Variants in NTN4 observed in about 807,000 individuals in gnomAD.
NTN4 encodes netrin-4.
A neutral mutation model predicts 73.6 loss-of-function variants in NTN4; 32 were observed. The ratio of observed to expected loss-of-function variants is 0.44; its 90% CI spans 0.33 to 0.58. The LOEUF (loss-of-function observed/expected upper bound fraction) is 0.58. NTN4 is among the 20% of genes least tolerant of loss of function. NTN4 has a pLI of 0.04. For missense variants in NTN4, 654 were observed against 798.3 expected, an observed-to-expected ratio of 0.82 and a Z score of 2.18; for synonymous variants, 258 against 287.5, an observed-to-expected ratio of 0.90 and a Z score of 1.04.
intron 9 of NTN4, among the ~76,000 whole-genome samples, chr12:95,659,747 AT>A (rs935150481): frequency 1.3e-5 from 2 of 152,122 alleles, no homozygotes; most frequent in Admixed American, 6.5e-5. Flanking sequence ...GAGGTAGATA[AT>A]TTTTTCCTTC....
intron 2 of NTN4, among the ~76,000 whole-genome samples, chr12:95,757,061 T>G (rs2078951910): frequency 6.6e-6 from 1 of 152,210 alleles, no homozygotes; most frequent in African/African-American, 2.4e-5. Flanking sequence ...TAAATTTGCT[T>G]AATTGCTTGT....
intron 3 of NTN4, among the ~76,000 whole-genome samples, chr12:95,726,173 T>C (rs1263520232): frequency 6.6e-6 from 1 of 152,202 alleles, no homozygotes; most frequent in Non-Finnish European, 1.5e-5. Context: ...TTCAGTGGTT[T>C]CAGTATATTC....
chr12:95,755,280 A>T (rs891082976), intron 2 of NTN4, among the ~76,000 whole-genome samples: 2 of 152,208 alleles, frequency 1.3e-5, no homozygotes, highest in African/African-American at 4.8e-5. Flanking sequence ...TCAGATGAGG[A>T]CATGTATCCT....
intron 3 of NTN4, among the ~76,000 whole-genome samples, chr12:95,735,287 T>C (rs868849375): frequency 6.6e-6 from 1 of 152,200 alleles, no homozygotes; most frequent in African/African-American, 2.4e-5. Flanking sequence ...AGAATTGTGA[T>C]GGAACTGGAT....
At chr12:95,770,178 A>C (rs910401842) in intron 2 of NTN4, among the ~76,000 whole-genome samples, 15 of 152,210 alleles carry the variant, frequency 9.9e-5, no homozygotes, top group African/African-American at 3.6e-4. Context: ...GGAAATTAGA[A>C]AGAAAAATGG....
At chr12:95,704,220 T>C (rs2078507528) in intron 5 of NTN4, among the ~76,000 whole-genome samples, 1 of 152,262 alleles carries the variant, frequency 6.6e-6, no homozygotes, top group African/African-American at 2.4e-5. Context: ...AGTTTGCTTT[T>C]CTGCCTTGGT....
chr12:95,672,593 G>C lies in NTN4; in HGVS notation c.1511-2447C>G. 2.0e-6 allele frequency: 3 copies of C among 1,526,330 alleles called. No homozygotes were observed. In the South Asian group the frequency reaches 3.4e-5, roughly 17 times the overall value. 94.5% of individuals were successfully genotyped at this position (1,526,330 alleles called of 1,614,324 possible). On this transcript the variant is annotated intron_variant, in intron 7 of 9. Coordinates refer to ENST00000343702, the MANE Select transcript of NTN4 (RefSeq NM_021229.4). ...TGAGCGGCACTATGGGGGTCTGACCGATCTCGGTAAAGCAGAAACTGCTGC... is the reference window on the plus strand; with the variant it reads ...TGAGCGGCACTATGGGGGTCTGACCCATCTCGGTAAAGCAGAAACTGCTGC...
chr12:95,725,958 C>T (rs2078690695), intron 3 of NTN4, among the ~76,000 whole-genome samples: 1 of 152,100 alleles, frequency 6.6e-6, no homozygotes, highest in South Asian at 2.1e-4. Context: ...ACTCATCCAT[C>T]CAAAAGCTAT....
chr12:95,751,144 TTAAA>T (rs1270058016), intron 2 of NTN4, among the ~76,000 whole-genome samples: 1 of 152,082 alleles, frequency 6.6e-6, no homozygotes, highest in African/African-American at 2.4e-5. Flanking sequence ...GCTCCCGACA[TTAAA>T]TAAAACTCCA....
intron 9 of NTN4, 56 bp downstream of exon 9, chr12:95,665,754 A>G: frequency 1.4e-6 from 2 of 1,395,834 alleles, no homozygotes; most frequent in Non-Finnish European, 2.0e-6. Context: ...ATGTAAGACA[A>G]GCAGCAAATC....
intron 3 of NTN4, among the ~76,000 whole-genome samples, chr12:95,715,088 C>T (rs988909062): frequency 6.6e-6 from 1 of 152,152 alleles, no homozygotes; most frequent in South Asian, 2.1e-4. Flanking sequence ...TGCAATTATC[C>T]GAGTGTGCTA....
chr12:95,790,161 C>A lies in NTN4; in HGVS notation c.55+94G>T. The A allele has an allele frequency of 8.8e-7, 1 of 1,141,698 alleles. No individual in the cohort carries two copies. Among genetic ancestry groups the A allele is most frequent in the South Asian group, 1.6e-5 (1 of 63,744 alleles). The allele number at this position is 1,141,698 out of a possible 1,614,324, so 70.7% of individuals were successfully genotyped here. A position where few individuals can be genotyped will look rare whatever the true frequency, so the allele number is the denominator to read the frequency against. ...TCACCCTCGGGAGCAGCGCTCTGCGCTCGCAGCCCTGGCTCCCCTGCACCC... is the reference window on the plus strand; with the variant it reads ...TCACCCTCGGGAGCAGCGCTCTGCGATCGCAGCCCTGGCTCCCCTGCACCC... On this transcript the variant is annotated intron_variant, in intron 1 of 9. Transcript: ENST00000343702. This position sits in a 1 kb window ranked among gnomAD's most constrained non-coding sequence, Gnocchi z 6.5.
intron 5 of NTN4, among the ~76,000 whole-genome samples, chr12:95,698,286 A>G (rs1184107025): frequency 6.6e-6 from 1 of 152,194 alleles, no homozygotes; most frequent in Non-Finnish European, 1.5e-5. Context: ...TAAATTACCT[A>G]CCACGAGGTC....
rs138483360 is a variant in NTN4 at position 95,663,052 on chromosome 12, C to T, written c.1750+2758G>A. ...GGAGGATTGCTTGAGCCTGGGAGGT[C>T]GAGGCTGCAGTGAGCAGTGATAGTA... On this transcript the variant is annotated intron_variant, in intron 9 of 9. Transcript: ENST00000343702. Among the ~76,000 whole-genome samples the T allele has an allele frequency of 4.5e-3, 684 of 151,566 alleles. 5 individuals carry two copies. The highest frequency in any genetic ancestry group is 0.016 in the African/African-American group (653 of 41,284).
intron 2 of NTN4, among the ~76,000 whole-genome samples, chr12:95,742,059 G>A (rs2078830700): frequency 6.6e-6 from 1 of 152,138 alleles, no homozygotes; most frequent in African/African-American, 2.4e-5. Context: ...AACTTTGCCT[G>A]AGGATGGGGA....
At chr12:95,685,735 A>T (rs1204623929) in intron 5 of NTN4, among the ~76,000 whole-genome samples, 1 of 152,192 alleles carries the variant, frequency 6.6e-6, no homozygotes, top group Non-Finnish European at 1.5e-5. Flanking sequence ...CTAGGCTCTC[A>T]TCTCAGTTCC....
At chr12:95,759,491 G>GTT (rs61286357) in intron 2 of NTN4, among the ~76,000 whole-genome samples, 12,415 of 136,194 alleles carry the variant, frequency 0.091, 1,508 homozygotes, top group African/African-American at 0.28. Context: ...TAGTATTTTT[G>GTT]TTTTTTTTTT....
chr12:95,675,113 C>CA (rs1045547580), intron 7 of NTN4, among the ~76,000 whole-genome samples: 10 of 151,502 alleles, frequency 6.6e-5, no homozygotes, highest in Admixed American at 5.3e-4. Context: ...AGCATTAAGG[C>CA]AAAAAAAATT....
chr12:95,768,830 A>T (rs1355486529), intron 2 of NTN4, among the ~76,000 whole-genome samples: 2 of 152,226 alleles, frequency 1.3e-5, no homozygotes, highest in Non-Finnish European at 2.9e-5. Flanking sequence ...AGGCATACCC[A>T]CTAAAGAGAG....
Sources: gnomAD v4.1 joint callset for allele counts (sites outside exome capture counted in the v4.1 genomes callset) on GRCh38, gnomAD v4.1.1 for gene constraint, Gnocchi (gnomAD v3.1) non-coding constraint, MANE v1.5 for transcripts, NCBI Gene and HGNC (gene_info 2026-07-23, HGNC 2026-07-21) for gene names.